MSI2: variants seen among roughly 807,000 people sequenced by gnomAD.
MSI2 encodes the protein RNA-binding protein Musashi homolog 2.
Under a neutral mutation model 45.6 loss-of-function variants are expected in MSI2, and 17 were observed. The observed-to-expected ratio is 0.37, with a 90% CI of 0.26 to 0.56. The LOEUF (loss-of-function observed/expected upper bound fraction) is 0.56, where lower values mean the gene tolerates loss of function less well. Ranked by LOEUF, MSI2 falls within the 20% of genes least tolerant of loss-of-function variation. The pLI is 0.77. For synonymous variants in MSI2, 156 were observed against 158.2 expected (o/e 0.99, Z 0.11); for missense variants, 293 against 444.2 (o/e 0.66, Z 3.06).
chr17:57,512,226 A>T (rs900749166), intron 6 of MSI2, among the ~76,000 whole-genome samples: 2 of 152,192 alleles, frequency 1.3e-5, no homozygotes, highest in Non-Finnish European at 2.9e-5. Flanking sequence ...TTCCTCATTT[A>T]AAAAGTCTTT....
At chr17:57,390,301 G>A (rs950589529) in intron 5 of MSI2, among the ~76,000 whole-genome samples, 12 of 152,204 alleles carry the variant, frequency 7.9e-5, no homozygotes, top group South Asian at 4.1e-4. Flanking sequence ...CATTTTTCCC[G>A]TTAGATGGCA....
rs115414130 is a variant in MSI2, at chr17:57,428,239, T to C, written c.405+26768T>C. ...AAATCTGAACATCTTTGTTTGTTTT[T>C]ATGAGACAAGGTCTTACTCTGTCAC... On this transcript the variant is annotated intron_variant, in intron 6 of 13. Coordinates refer to ENST00000284073, the MANE Select transcript of MSI2 (RefSeq NM_138962.4). Among the ~76,000 whole-genome samples the C allele has an allele frequency of 8.5e-3, 1,289 of 152,284 alleles. 18 individuals are homozygous for C. Among genetic ancestry groups the C allele is most frequent in the African/African-American group, 0.029 (1,209 of 41,560 alleles).
rs112255251 is a variant in MSI2, at chr17:57,676,837, A to T, written c.946-150A>T. 5.8e-3 allele frequency: 4,006 copies of T among 686,976 alleles called. 99 individuals are homozygous for T. The African/African-American group carries it at 0.06, about 10-fold the overall frequency. 42.6% of individuals were successfully genotyped at this position (686,976 alleles called of 1,614,324 possible). A position where few individuals can be genotyped will look rare whatever the true frequency, so the allele number is the denominator to read the frequency against. ...GGGATTTGGAGCTGAGGAGGATGTCATCCTGGCCCCTCATGGCACGGTGTC... is the reference window on the plus strand; with the variant it reads ...GGGATTTGGAGCTGAGGAGGATGTCTTCCTGGCCCCTCATGGCACGGTGTC... On this transcript the variant is annotated intron_variant, in intron 12 of 13. Coordinates refer to ENST00000284073, the MANE Select transcript of MSI2 (RefSeq NM_138962.4).
upstream of MSI2, among the ~76,000 whole-genome samples, chr17:57,256,247 C>T (rs2143115129): frequency 2.0e-5 from 3 of 152,014 alleles, no homozygotes; most frequent in East Asian, 5.9e-4. Flanking sequence ...GTGCGCTCCC[C>T]CTCGCCCTGC....
rs1912216598 is a variant in MSI2, at chr17:57,664,348, T to A, written c.791-10624T>A. On this transcript the variant is annotated intron_variant, in intron 11 of 13. Coordinates refer to ENST00000284073, the MANE Select transcript of MSI2 (RefSeq NM_138962.4). ...GCCTGGCCAACATGGTGAAACCCCA[T>A]CTCTACTAAAAATACAAAAATCAGC... is the stretch of plus-strand genomic sequence containing the variant. Among the ~76,000 whole-genome samples the A allele has an allele frequency of 2.0e-5, 3 of 152,066 alleles. No individual in the cohort carries two copies. In the South Asian group the frequency reaches 6.2e-4, roughly 31 times the overall value.
rs1357986986 is a variant in MSI2, at chr17:57,681,995, TA to T, written c.*2482del. 1 of 211,148 alleles carries T rather than the reference TA, an allele frequency of 4.7e-6. No homozygotes were observed. The highest frequency in any genetic ancestry group is 9.6e-6 in the Non-Finnish European group (1 of 104,128). 13.1% of individuals were successfully genotyped at this position (211,148 alleles called of 1,614,324 possible). On this transcript the variant is annotated 3_prime_UTR_variant, in exon 14 of 14. Coordinates refer to ENST00000284073, the MANE Select transcript of MSI2 (RefSeq NM_138962.4). ...TTGATCATTGTATGTTAATAATGTA[TA>T]AAATGGCTATCTTGTAAGCGTGCTG... is the stretch of plus-strand genomic sequence containing the variant.
intron 11 of MSI2, among the ~76,000 whole-genome samples, chr17:57,673,007 C>A (rs1375568594): frequency 6.6e-6 from 1 of 152,148 alleles, no homozygotes; most frequent in Admixed American, 6.5e-5. Flanking sequence ...TTAACCTGCT[C>A]TTTCCATTGG....
chr17:57,526,004 A>G (rs1408735014), intron 6 of MSI2, among the ~76,000 whole-genome samples: 1 of 152,156 alleles, frequency 6.6e-6, no homozygotes, highest in East Asian at 1.9e-4. Context: ...AGGTAGGTGG[A>G]TCACAAGGTC....
At chr17:57,420,861 A>G (rs2084382439) in intron 6 of MSI2, among the ~76,000 whole-genome samples, 1 of 152,352 alleles carries the variant, frequency 6.6e-6, no homozygotes, top group African/African-American at 2.4e-5. Context: ...GCCTCCGCAA[A>G]CGCAGTAACA....
Position 57,469,718 on chromosome 17 carries a change from T to C in MSI2, c.406-59958T>C, listed in dbSNP as rs1190473516. 2.6e-5 allele frequency among the ~76,000 whole-genome samples: 4 copies of C among 152,192 alleles called. 1 individual carries two copies. Among genetic ancestry groups the C allele is most frequent in the Non-Finnish European group, 5.9e-5 (4 of 68,030 alleles). ...AAGTGAGAAGGGCAGGAACTGAAAG[T>C]TTCTTTCAACTGGTGAGAGAGGGCA... On this transcript the variant is annotated intron_variant, in intron 6 of 13. Transcript: ENST00000284073.
intron 11 of MSI2, among the ~76,000 whole-genome samples, chr17:57,654,914 G>GT (rs1911473927): frequency 9.7e-6 from 1 of 103,618 alleles, no homozygotes; most frequent in African/African-American, 3.9e-5. Context: ...CCAACGTTTG[G>GT]GTTTTTTTTT....
chr17:57,539,785 G>T (rs2087002760), intron 7 of MSI2, among the ~76,000 whole-genome samples: 1 of 152,144 alleles, frequency 6.6e-6, no homozygotes, highest in African/African-American at 2.4e-5. Context: ...AGACCAGAGG[G>T]GAGGAGGGCC....
At chr17:57,402,651 A>G (rs991957949) in intron 6 of MSI2, among the ~76,000 whole-genome samples, 14 of 152,192 alleles carry the variant, frequency 9.2e-5, no homozygotes, top group Non-Finnish European at 1.6e-4. Context: ...GATGAGGGCC[A>G]TGACCTTTAT....
At chr17:57,439,012 G>T (rs1007636037) in intron 6 of MSI2, among the ~76,000 whole-genome samples, 1 of 152,108 alleles carries the variant, frequency 6.6e-6, no homozygotes, top group Non-Finnish European at 1.5e-5. Flanking sequence ...ATGTTGGCCA[G>T]GCTGGTCTCA....
chr17:57,613,907 T>C (rs1047882564), intron 8 of MSI2, among the ~76,000 whole-genome samples: 1 of 152,210 alleles, frequency 6.6e-6, no homozygotes, highest in African/African-American at 2.4e-5. Flanking sequence ...TCCGGTGTCT[T>C]TGAAGAAAGG....
At chr17:57,291,925 G>T (rs1166617822) in intron 5 of MSI2, among the ~76,000 whole-genome samples, 1 of 152,126 alleles carries the variant, frequency 6.6e-6, no homozygotes, top group Non-Finnish European at 1.5e-5. Context: ...AACTAACCAG[G>T]CCAGGCAGGA....
At chr17:57,456,671 A>G (rs933126713) in intron 6 of MSI2, among the ~76,000 whole-genome samples, 7 of 151,976 alleles carry the variant, frequency 4.6e-5, no homozygotes, top group Admixed American at 2.0e-4. Flanking sequence ...AGTCTTGCTC[A>G]AGGGCTTTAC....
At chr17:57,310,870 C>A (rs1156831781) in intron 5 of MSI2, among the ~76,000 whole-genome samples, 1 of 152,204 alleles carries the variant, frequency 6.6e-6, no homozygotes, top group Admixed American at 6.5e-5. Context: ...ATCAGATAGA[C>A]CCACCTTCAA....
chr17:57,504,030 C>T (rs181236097), intron 6 of MSI2, among the ~76,000 whole-genome samples: 10 of 152,284 alleles, frequency 6.6e-5, no homozygotes, highest in South Asian at 2.1e-4. Context: ...CCACCGCGCC[C>T]GGCCGGGAGA....
Sources: allele counts gnomAD v4.1 joint callset (sites outside exome capture counted in the v4.1 genomes callset), GRCh38; gene constraint gnomAD v4.1.1; transcripts MANE v1.5; gene names NCBI Gene and HGNC (gene_info 2026-07-23, HGNC 2026-07-21).